The following NRAP variants were observed in gnomAD, a reference collection of about 807,000 sequenced individuals.
NRAP encodes the protein nebulin-related-anchoring protein.
Under a neutral mutation model 225.9 loss-of-function variants are expected in NRAP, and 189 were observed. The ratio of observed to expected loss-of-function variants is 0.84; its 90% confidence interval spans 0.74 to 0.94. NRAP has a LOEUF of 0.94. Ranked by LOEUF, NRAP falls within the 40% of genes least tolerant of loss-of-function variation. NRAP has a pLI of 0.00. For synonymous variants in NRAP, 769 were observed against 790.7 expected, an observed-to-expected ratio of 0.97 and a Z score of 0.46; for missense variants, 2,176 against 2,168.7, an observed-to-expected ratio of 1.00 and a Z score of -0.07.
intron 38 of NRAP, 25 bp from the exon 39 acceptor site, chr10:113,592,326 A>G: frequency 6.7e-7 from 1 of 1,487,384 alleles, no homozygotes. Flanking sequence ...CAAAAGCATG[A>G]GTAAGCAGGC....
intron 6 of NRAP, among the ~76,000 whole-genome samples, chr10:113,652,595 G>GAATAAA (rs1352233822): frequency 2.7e-5 from 4 of 145,486 alleles, no homozygotes; most frequent in Non-Finnish European, 4.6e-5. Flanking sequence ...AGTGAGCCAA[G>GAATAAA]AATAAAAATA....
chr10:113,604,941 G>A (rs780391739), intron 34 of NRAP, 21 bp from the exon 35 acceptor site: 19 of 1,601,340 alleles, frequency 1.2e-5, no homozygotes, highest in Middle Eastern at 1.7e-4. Context: ...GGGCTGGCCG[G>A]TCAAATTCTA....
intron 25 of NRAP, among the ~76,000 whole-genome samples, chr10:113,619,123 G>T (rs1283662337): frequency 6.6e-6 from 1 of 152,178 alleles, no homozygotes; most frequent in Non-Finnish European, 1.5e-5. Flanking sequence ...TGTTGAGAAA[G>T]TATGCAAAAT....
intron 25 of NRAP, among the ~76,000 whole-genome samples, chr10:113,618,668 C>T (rs1395021296): frequency 6.6e-6 from 1 of 152,218 alleles, no homozygotes; most frequent in Non-Finnish European, 1.5e-5. Flanking sequence ...TGGCCCAGGC[C>T]GAGTGCAGTG....
intron 31 of NRAP, among the ~76,000 whole-genome samples, chr10:113,609,821 T>C (rs891912801): frequency 2.0e-5 from 3 of 152,172 alleles, no homozygotes; most frequent in African/African-American, 4.8e-5. Context: ...TTTGTTTGCA[T>C]TGTACCACAG....
chr10:113,612,198 A>G (rs760286326), intron 30 of NRAP, 36 bp downstream of exon 30: 2 of 1,578,936 alleles, frequency 1.3e-6, no homozygotes, highest in South Asian at 1.1e-5. Flanking sequence ...TCCTAAGAGA[A>G]GAAGGGGCCC....
intron 21 of NRAP, among the ~76,000 whole-genome samples, chr10:113,625,524 T>C (rs556269275): frequency 1.3e-5 from 2 of 152,344 alleles, no homozygotes; most frequent in South Asian, 2.1e-4. Flanking sequence ...GGCAGGTATA[T>C]CTTACCTGGA....
At position 113,597,152 on chromosome 10, in the gene NRAP, C is replaced by T. The variant is rs1846329632; in HGVS notation, c.4365G>A (p.Lys1455=). ...TKYRKKPDSI[K]FTTVVDSPDL... The stretch of plus-strand genomic sequence containing the variant: ...CTGGGGAGTCAACCACTGTGGTGAA[C>T]TTGATACTGTCTGGTTTTTTACGGT... The change falls in exon 37 of 42, where the codon AAG becomes AAA. Residue 1455 remains lysine, a synonymous_variant. Transcript: ENST00000359988. The T allele has an allele frequency of 1.9e-6, 3 of 1,613,398 alleles. No homozygotes were observed. Among genetic ancestry groups the T allele is most frequent in the Non-Finnish European group, 2.5e-6 (3 of 1,179,314 alleles).
At chr10:113,589,367 G>A (rs984768633) in intron 41 of NRAP, 22 of 564,008 alleles carry the variant, frequency 3.9e-5, no homozygotes, top group South Asian at 7.1e-5. Context: ...CGAATGTAAC[G>A]AGCAAGCAGT....
intron 5 of NRAP, among the ~76,000 whole-genome samples, chr10:113,653,265 T>C (rs938220385): frequency 2.0e-5 from 3 of 152,194 alleles, no homozygotes; most frequent in Admixed American, 6.5e-5. Flanking sequence ...AATGTTCATA[T>C]CAAAATATGG....
rs1216021162 is a variant in NRAP at position 113,612,498 on chromosome 10, G to A, written c.3301-67C>T. 6.0e-6 allele frequency: 8 copies of A among 1,327,970 alleles called. No homozygotes were observed. In the South Asian group the frequency reaches 1.0e-4, roughly 17 times the overall value. The allele number at this position is 1,327,970 out of a possible 1,614,324, so 82.3% of individuals were successfully genotyped here. On this transcript the variant is annotated intron_variant, in intron 29 of 41. Coordinates refer to ENST00000359988, the MANE Select transcript of NRAP (RefSeq NM_198060.4). ...CTATTTGCAACAGGACCATCAGGGA[G>A]GGCAACTGCAATGCAGTTGTCTGGA... is the stretch of plus-strand genomic sequence containing the variant.
rs181801839 is a variant in NRAP at position 113,639,666 on chromosome 10, C to A, written c.1428+561G>T. ...TCTATAATAAACATGTAGTAAAATT[C>A]TTGTAATCAGGAAACAAGAAATTTA... On this transcript the variant is annotated intron_variant, in intron 14 of 41. Coordinates refer to ENST00000359988, the MANE Select transcript of NRAP (RefSeq NM_198060.4). 2.8e-3 allele frequency among the ~76,000 whole-genome samples: 419 copies of A among 152,226 alleles called. 2 individuals are homozygous for A. Among genetic ancestry groups the A allele is most frequent in the African/African-American group, 9.6e-3 (398 of 41,528 alleles).
chr10:113,591,696 T>C (rs1459032105), intron 39 of NRAP, among the ~76,000 whole-genome samples: 1 of 152,224 alleles, frequency 6.6e-6, no homozygotes, highest in Non-Finnish European at 1.5e-5. Context: ...TTGTTTTCAT[T>C]CCTACATTAA....
chr10:113,654,037 C>A lies in NRAP; in HGVS notation c.449G>T (p.Arg150Leu). The A allele has an allele frequency of 6.2e-7, 1 of 1,611,922 alleles. No homozygotes were observed. Among genetic ancestry groups the A allele is most frequent in the East Asian group, 2.2e-5 (1 of 44,872 alleles). The change falls in exon 5 of 42, where the codon CGA becomes CTA. Residue 150 changes from arginine (R) to leucine (L), a missense_variant. Coordinates refer to ENST00000359988, the MANE Select transcript of NRAP (RefSeq NM_198060.4). ...DPEIVRMVEA[R>L]KSLGEEYTED... is the part of the protein sequence containing the mutation. The stretch of plus-strand genomic sequence containing the variant: ...GGTGCTTACCTCACCAAGAGACTTT[C>A]GAGCCTCAACCATCCTTACAATTTC...
At chr10:113,633,604 T>C (rs1195033322) in intron 15 of NRAP, among the ~76,000 whole-genome samples, 1 of 152,212 alleles carries the variant, frequency 6.6e-6, no homozygotes. Context: ...ATGTGACTCC[T>C]GTTGGATGAA....
chr10:113,634,582 T>A (rs141722094), intron 14 of NRAP, among the ~76,000 whole-genome samples: 1 of 152,308 alleles, frequency 6.6e-6, no homozygotes, highest in East Asian at 1.9e-4. Flanking sequence ...TGAGGACTTA[T>A]GAAAACTCTC....
At position 113,625,016 on chromosome 10, in the gene NRAP, G is replaced by T. The variant is rs114861439; in HGVS notation, c.2245-86C>A. The T allele has an allele frequency of 1.5e-3, 1,221 of 792,912 alleles. 12 individuals carry two copies. The African/African-American group carries it at 0.018, about 12-fold the overall frequency. 49.1% of individuals were successfully genotyped at this position (792,912 alleles called of 1,614,324 possible). ...TCCCTCATGGTGTCTCTGTCTGGTT[G>T]GCACTTCTCTGACTTGCACAGAAAG... is the stretch of plus-strand genomic sequence containing the variant. On this transcript the variant is annotated intron_variant, in intron 21 of 41. Transcript: ENST00000359988.
At chr10:113,611,212 A>G (rs1847300409) in intron 30 of NRAP, among the ~76,000 whole-genome samples, 2 of 152,122 alleles carry the variant, frequency 1.3e-5, no homozygotes, top group Admixed American at 1.3e-4. Flanking sequence ...CGGGCCCCCG[A>G]GATGAGCGTG....
intron 29 of NRAP, among the ~76,000 whole-genome samples, 193 bp downstream of exon 29, chr10:113,613,990 C>G (rs140980861): frequency 6.6e-6 from 1 of 152,122 alleles, no homozygotes; most frequent in Admixed American, 6.5e-5. Context: ...AAGGGGTCAA[C>G]CAGTCCGGCA....
Sources: gnomAD v4.1 joint callset for allele counts (sites outside exome capture counted in the v4.1 genomes callset) on GRCh38, gnomAD v4.1.1 for gene constraint, MANE v1.5 for transcripts, NCBI Gene and HGNC (gene_info 2026-07-23, HGNC 2026-07-21) for gene names.